The following TTC3 variants were observed in gnomAD, a reference collection of about 807,000 sequenced individuals.
TTC3 encodes E3 ubiquitin-protein ligase TTC3.
TTC3 carries 180 observed loss-of-function variants against 249.6 expected under a neutral mutation model. The ratio of observed to expected loss-of-function variants is 0.72; its 90% CI spans 0.64 to 0.82. TTC3 has a LOEUF of 0.82. Among genes scored for constraint, TTC3 ranks in the 40% least tolerant of loss-of-function variants. The pLI is 0.00. For synonymous variants in TTC3, 717 were observed against 805.0 expected (o/e 0.89, Z 1.85); for missense variants, 2,061 against 2,398.4 (o/e 0.86, Z 2.94).
chr21:37,201,215 G>C (rs2085463857), intron 45 of TTC3, among the ~76,000 whole-genome samples: 1 of 152,234 alleles, frequency 6.6e-6, no homozygotes, highest in Non-Finnish European at 1.5e-5. Flanking sequence ...CAGGTTGGAG[G>C]CCCAGAGCGC....
chr21:37,194,791 A>G (rs1271672131), intron 41 of TTC3: 1 of 152,170 alleles, frequency 6.6e-6, no homozygotes, highest in Non-Finnish European at 1.5e-5. Context: ...GGAAGCTACT[A>G]TGCTTTTTGA....
intron 25 of TTC3, among the ~76,000 whole-genome samples, chr21:37,151,229 G>A (rs1245962900): frequency 6.6e-6 from 1 of 151,936 alleles, no homozygotes; most frequent in Non-Finnish European, 1.5e-5. Context: ...AATTCCAAAA[G>A]CATATTTTTC....
intron 19 of TTC3, 123 bp from the exon 20 acceptor site, chr21:37,140,438 C>T: frequency 3.3e-6 from 2 of 602,074 alleles, no homozygotes; most frequent in South Asian, 2.6e-5. Flanking sequence ...ATAATTTTGC[C>T]ACAGGAATTT....
At chr21:37,121,158 A>G (rs943608137) in intron 11 of TTC3, 1 of 152,228 alleles carries the variant, frequency 6.6e-6, no homozygotes, top group Non-Finnish European at 1.5e-5. Flanking sequence ...TAAATGGACC[A>G]GCAAAGATTT....
intron 33 of TTC3, among the ~76,000 whole-genome samples, chr21:37,167,222 C>G (rs187132346): frequency 1.3e-5 from 2 of 152,212 alleles, no homozygotes; most frequent in Admixed American, 6.5e-5. Flanking sequence ...TGAGTTCTTT[C>G]CTAACAAGGA....
intron 18 of TTC3, among the ~76,000 whole-genome samples, chr21:37,136,017 G>A (rs4453760): frequency 0.33 from 49,753 of 151,974 alleles, 8,474 homozygotes; most frequent in South Asian, 0.52. Flanking sequence ...CTGTATCTGT[G>A]ATCAGTGATC....
chr21:37,192,226 C>CAT lies in TTC3; in HGVS notation c.5217+14_5217+15dup. ...TGCCTGTAACACGGTAAGTCTAGCA[C>CAT]ATCTTTTTTTTTTTTTTAAACCATA... On this transcript the variant is annotated intron_variant, in intron 41 of 45. Coordinates refer to ENST00000355666, the Ensembl canonical transcript of TTC3. 6.8e-7 allele frequency: 1 copy of CAT among 1,474,134 alleles called. No individual in the cohort carries two copies. Among genetic ancestry groups the CAT allele is most frequent in the Non-Finnish European group, 9.2e-7 (1 of 1,083,064 alleles). 91.3% of individuals were successfully genotyped at this position (1,474,134 alleles called of 1,614,324 possible).
At chr21:37,135,257 G>A in intron 17 of TTC3, 123 bp from the exon 18 acceptor site, 1 of 1,055,628 alleles carries the variant, frequency 9.5e-7, no homozygotes, top group South Asian at 1.7e-5. Flanking sequence ...AATAAGGGTA[G>A]TTTGGGTATT....
intron 41 of TTC3, among the ~76,000 whole-genome samples, chr21:37,193,641 T>C (rs964091473): frequency 2.6e-5 from 4 of 152,216 alleles, no homozygotes; most frequent in Non-Finnish European, 5.9e-5. Context: ...TTCTGGGAAC[T>C]CTTAGTGTGC....
At chr21:37,082,097 C>T (rs1012485767) in intron 1 of TTC3, 15 of 152,066 alleles carry the variant, frequency 9.9e-5, no homozygotes, top group African/African-American at 2.7e-4. Flanking sequence ...GATCTCCTGA[C>T]CTCGTCATCT....
At chr21:37,154,753 C>G (rs556520251) in intron 27 of TTC3, among the ~76,000 whole-genome samples, 1 of 151,946 alleles carries the variant, frequency 6.6e-6, no homozygotes, top group Non-Finnish European at 1.5e-5. Context: ...TGGAGTGCAG[C>G]GGCGCGATCT....
At chr21:37,142,228 A>G (rs571323232) in intron 20 of TTC3, among the ~76,000 whole-genome samples, 11 of 152,342 alleles carry the variant, frequency 7.2e-5, no homozygotes, top group Non-Finnish European at 1.5e-4. Flanking sequence ...CCTATTCAAC[A>G]TAGTGTCGGA....
chr21:37,186,300 T>TA (rs2148171677), intron 37 of TTC3, among the ~76,000 whole-genome samples: 1 of 152,356 alleles, frequency 6.6e-6, no homozygotes, highest in Non-Finnish European at 1.5e-5. Flanking sequence ...TATTGTTTCT[T>TA]ACGCACATTC....
rs574766139 is a variant in TTC3 at position 37,144,100 on chromosome 21, G to A, written c.1773-425G>A. ...ACACACTGGGGCCTGTTGTGAGGTG[G>A]GGGGAGGGGAGAGGGATAGCATTAG... On this transcript the variant is annotated intron_variant, in intron 20 of 45. Coordinates refer to ENST00000355666, the Ensembl canonical transcript of TTC3. Among the ~76,000 whole-genome samples the A allele has an allele frequency of 5.9e-5, 9 of 151,852 alleles. No homozygotes were observed. In the South Asian group the frequency reaches 1.5e-3, roughly 25 times the overall value.
intron 1 of TTC3, chr21:37,082,421 T>G (rs1431744901): frequency 1.1e-6 from 1 of 890,564 alleles, no homozygotes; most frequent in African/African-American, 1.8e-5. Context: ...TTCTGTTTGA[T>G]CTTTGTGGTG....
intron 14 of TTC3, 40 bp downstream of exon 14, chr21:37,124,782 A>G (rs760411406): frequency 1.9e-6 from 3 of 1,599,078 alleles, no homozygotes; most frequent in Non-Finnish European, 2.6e-6. Flanking sequence ...TCAAGGATAG[A>G]TAGTCTCATA....
chr21:37,167,072 G>A (rs763204693), intron 33 of TTC3, among the ~76,000 whole-genome samples: 3 of 152,266 alleles, frequency 2.0e-5, no homozygotes, highest in South Asian at 4.1e-4. Flanking sequence ...AGGAGGAAGG[G>A]AAAATGTGCT....
At chr21:37,139,655 A>G (rs1315945698) in intron 19 of TTC3, among the ~76,000 whole-genome samples, 1 of 152,106 alleles carries the variant, frequency 6.6e-6, no homozygotes. Context: ...AATGCTCTCT[A>G]ATTCTATTTT....
chr21:37,183,605 C>T (rs1167739824), intron 36 of TTC3, among the ~76,000 whole-genome samples: 1 of 152,118 alleles, frequency 6.6e-6, no homozygotes, highest in Non-Finnish European at 1.5e-5. Context: ...TGCCAGGAGT[C>T]CTCATGTGGC....
Sources: allele counts gnomAD v4.1 joint callset (sites outside exome capture counted in the v4.1 genomes callset), GRCh38; gene constraint gnomAD v4.1.1; transcripts MANE v1.5; gene names NCBI Gene and HGNC (gene_info 2026-07-23, HGNC 2026-07-21).